The following DAPK1 variants were observed in gnomAD, a reference collection of about 807,000 sequenced individuals.
DAPK1 encodes death associated protein kinase 1, also known as death-associated protein kinase 1.
DAPK1 carries 56 observed loss-of-function variants against 144.9 expected under a neutral mutation model. The observed-to-expected ratio is 0.39, with a 90% confidence interval of 0.31 to 0.48. The LOEUF is 0.48. Among genes scored for constraint, DAPK1 ranks in the 20% least tolerant of loss-of-function variants. The pLI, the probability that DAPK1 is intolerant of heterozygous loss-of-function variation, is 0.95. For synonymous variants in DAPK1, 690 were observed against 749.0 expected (o/e 0.92, Z 1.29); for missense variants, 1,454 against 1,875.4 (o/e 0.78, Z 4.15).
At chr9:87,626,967 C>T (rs1173196850) in intron 3 of DAPK1, among the ~76,000 whole-genome samples, 2 of 151,918 alleles carry the variant, frequency 1.3e-5, no homozygotes, top group African/African-American at 4.8e-5. Context: ...AGGGCCAGTA[C>T]TGGGGAGGAG....
At chr9:87,592,691 C>T (rs1159803813) in intron 2 of DAPK1, among the ~76,000 whole-genome samples, 2 of 152,126 alleles carry the variant, frequency 1.3e-5, no homozygotes, top group Non-Finnish European at 2.9e-5. Flanking sequence ...CGGATCGGGC[C>T]GCGGGGGTGA....
In DAPK1 at chr9:87,648,761, C is replaced by T. The variant is rs368151056; in HGVS notation, c.1330-20C>T. On this transcript the variant is annotated intron_variant, in intron 14 of 25. Transcript: ENST00000408954. ...GCTCACAGATGTGGCTCTGAATCAC[C>T]GGCTCCTTTTCTTCTGCAGTCTGGA... 5.6e-5 allele frequency: 90 copies of T among 1,604,648 alleles called. No individual in the cohort carries two copies. Among genetic ancestry groups the T allele is most frequent in the Admixed American group, 1.2e-4 (7 of 60,004 alleles).
intron 2 of DAPK1, among the ~76,000 whole-genome samples, chr9:87,561,480 G>C (rs1011707617): frequency 5.3e-5 from 8 of 152,090 alleles, no homozygotes; most frequent in Non-Finnish European, 1.0e-4. Context: ...GAGCCGAGAT[G>C]GCACCACTGC....
At position 87,652,078 on chromosome 9, in the gene DAPK1, C is replaced by T. The variant is rs140064133; in HGVS notation, c.1824+354C>T. ...GATTCTGTGTTCTCTCACCTGAACC[C>T]GGGTCCTGATTCTGTGTCCATCCCC... On this transcript the variant is annotated intron_variant, in intron 17 of 25. Coordinates refer to ENST00000408954, the MANE Select transcript of DAPK1 (RefSeq NM_004938.4). 5.9e-3 allele frequency among the ~76,000 whole-genome samples: 861 copies of T among 145,132 alleles called. 19 individuals are homozygous for T. The highest frequency in any genetic ancestry group is 0.02 in the African/African-American group (767 of 37,960).
intron 2 of DAPK1, among the ~76,000 whole-genome samples, chr9:87,565,210 A>G (rs1827073102): frequency 6.6e-6 from 1 of 152,186 alleles, no homozygotes; most frequent in Non-Finnish European, 1.5e-5. Flanking sequence ...CTGGAGGGCA[A>G]ACAGTTGAGA....
intron 2 of DAPK1, among the ~76,000 whole-genome samples, chr9:87,604,126 A>C (rs920340209): frequency 6.6e-6 from 1 of 152,120 alleles, no homozygotes; most frequent in South Asian, 2.1e-4. Flanking sequence ...CTTCAAACTA[A>C]GAGTGGCTCT....
chr9:87,584,983 C>T (rs961853570), intron 2 of DAPK1, among the ~76,000 whole-genome samples: 1 of 152,124 alleles, frequency 6.6e-6, no homozygotes, highest in Admixed American at 6.6e-5. Flanking sequence ...AGCCGTATAT[C>T]CTCTTTTGAG....
At chr9:87,560,137 C>T (rs1032083886) in intron 2 of DAPK1, among the ~76,000 whole-genome samples, 7 of 150,362 alleles carry the variant, frequency 4.7e-5, no homozygotes, top group Non-Finnish European at 1.0e-4. Context: ...ATTACAGGTG[C>T]ATGCCACCAC....
intron 20 of DAPK1, among the ~76,000 whole-genome samples, chr9:87,683,223 C>G (rs182505200): frequency 6.6e-6 from 1 of 152,024 alleles, no homozygotes; most frequent in Admixed American, 6.6e-5. Flanking sequence ...GCTGGGACTA[C>G]AGGTGCATGC....
At chr9:87,508,209 A>G (rs959907164) in intron 2 of DAPK1, among the ~76,000 whole-genome samples, 1 of 151,268 alleles carries the variant, frequency 6.6e-6, no homozygotes, top group African/African-American at 2.4e-5. Context: ...ACGGGGTTTC[A>G]CCATGATGGC....
rs36218439 is a variant in DAPK1, at chr9:87,694,088, C to A, written c.2414-2919C>A. Reference sequence around the variant, plus strand: ...AAGTGCTGGTAGTAGTAGCAGTGGGCCAGGTGGGTAGTCAGGTTCTCAGTT... The same window carrying A: ...AAGTGCTGGTAGTAGTAGCAGTGGGACAGGTGGGTAGTCAGGTTCTCAGTT... On this transcript the variant is annotated intron_variant, in intron 21 of 25. Coordinates refer to ENST00000408954, the MANE Select transcript of DAPK1 (RefSeq NM_004938.4). Among the ~76,000 whole-genome samples the A allele has an allele frequency of 9.5e-3, 1,443 of 152,158 alleles. 20 individuals carry two copies. The highest frequency in any genetic ancestry group is 0.033 in the African/African-American group (1,365 of 41,498).
chr9:87,521,144 T>C (rs555270315), intron 2 of DAPK1, among the ~76,000 whole-genome samples: 18 of 152,380 alleles, frequency 1.2e-4, no homozygotes, highest in Middle Eastern at 3.4e-3. Flanking sequence ...ATTGCAATAG[T>C]GCTAGCTATG....
intron 2 of DAPK1, among the ~76,000 whole-genome samples, chr9:87,542,922 G>A (rs1357826904): frequency 6.6e-6 from 1 of 152,196 alleles, no homozygotes; most frequent in African/African-American, 2.4e-5. Flanking sequence ...ATAAATAGAT[G>A]TTCTGGTAAC....
At chr9:87,612,901 G>T (rs1266593476) in intron 3 of DAPK1, among the ~76,000 whole-genome samples, 1 of 152,150 alleles carries the variant, frequency 6.6e-6, no homozygotes, top group African/African-American at 2.4e-5. Flanking sequence ...ATGTCTGAAA[G>T]GTTACCATGT....
chr9:87,547,841 T>G (rs1472538611), intron 2 of DAPK1, among the ~76,000 whole-genome samples: 2 of 152,188 alleles, frequency 1.3e-5, no homozygotes, highest in Non-Finnish European at 2.9e-5. Context: ...TGGTTGGCTT[T>G]ACTCAGAGTC....
rs556157503 is a variant in DAPK1 at position 87,670,450 on chromosome 9, C to T, written c.2001+1776C>T. On this transcript the variant is annotated intron_variant, in intron 19 of 25. Transcript: ENST00000408954. ...CCTGTTAGTTATTAGGTCTCTATTA[C>T]GGTCCACTAGTAGGAAGAAACACTA... Among the ~76,000 whole-genome samples the T allele has an allele frequency of 1.1e-4, 17 of 152,282 alleles. No homozygotes were observed. In the South Asian group the frequency reaches 1.7e-3, roughly 15 times the overall value.
chr9:87,561,739 T>C (rs575797039), intron 2 of DAPK1, among the ~76,000 whole-genome samples: 35 of 152,258 alleles, frequency 2.3e-4, no homozygotes, highest in African/African-American at 7.7e-4. Flanking sequence ...AGCAGTTTAC[T>C]TAAGTTAAAG....
At position 87,610,267 on chromosome 9, in the gene DAPK1, G is replaced by A. The variant is rs531349194; in HGVS notation, c.284+5092G>A. On this transcript the variant is annotated intron_variant, in intron 3 of 25. Transcript: ENST00000408954. The stretch of plus-strand genomic sequence containing the variant: ...TGTGATTTCTTAAAATCACGATTTC[G>A]GATTTCATGTCCTCCACGTCCCATT... 1.4e-3 allele frequency among the ~76,000 whole-genome samples: 209 copies of A among 152,314 alleles called. 1 individual carries two copies. Among genetic ancestry groups the A allele is most frequent in the African/African-American group, 4.0e-3 (166 of 41,564 alleles).
chr9:87,620,615 G>A (rs977930455), intron 3 of DAPK1, among the ~76,000 whole-genome samples: 4 of 151,666 alleles, frequency 2.6e-5, no homozygotes, highest in Non-Finnish European at 5.9e-5. Flanking sequence ...AGGAGGACCG[G>A]GAATAGGACA....
Sources: allele counts gnomAD v4.1 joint callset (sites outside exome capture counted in the v4.1 genomes callset), GRCh38; gene constraint gnomAD v4.1.1; transcripts MANE v1.5; gene names NCBI Gene and HGNC (gene_info 2026-07-23, HGNC 2026-07-21).